The following FOCAD variants were observed in gnomAD, a reference collection of about 807,000 sequenced individuals.
The protein encoded by FOCAD is KIAA1797.
Under a neutral mutation model 225.6 loss-of-function variants are expected in FOCAD, and 198 were observed. The observed-to-expected ratio is 0.88, with a 90% confidence interval of 0.78 to 0.99. The LOEUF is 0.99. Ranked by LOEUF, FOCAD falls within the 50% of genes least tolerant of loss-of-function variation. FOCAD has a pLI of 0.00. For missense variants in FOCAD, 2,713 were observed against 2,123.6 expected (o/e 1.28, Z -5.46); for synonymous variants, 897 against 755.0 (o/e 1.19, Z -3.08).
intron 37 of FOCAD, among the ~76,000 whole-genome samples, chr9:20,979,634 G>A (rs1840514872): frequency 6.6e-6 from 1 of 152,036 alleles, no homozygotes; most frequent in African/African-American, 2.4e-5. Context: ...CCACCACGCT[G>A]GGCCTGTTTT....
intron 5 of FOCAD, among the ~76,000 whole-genome samples, chr9:20,756,381 A>G (rs1829052899): frequency 6.6e-6 from 1 of 152,166 alleles, no homozygotes; most frequent in Admixed American, 6.5e-5. Flanking sequence ...AATGTGATAG[A>G]TCTAATGTAC....
At chr9:20,761,378 T>A (rs1298746494) in intron 6 of FOCAD, among the ~76,000 whole-genome samples, 1 of 152,074 alleles carries the variant, frequency 6.6e-6, no homozygotes, top group African/African-American at 2.4e-5. Flanking sequence ...GAAGGTTTCT[T>A]GGCTAGCTAG....
chr9:20,758,281 T>C (rs1829246631), intron 6 of FOCAD, 90 bp downstream of exon 6: 1 of 835,318 alleles, frequency 1.2e-6, no homozygotes, highest in Non-Finnish European at 1.8e-6. Context: ...GTTTGTTTGT[T>C]TCTTTTTAGC....
intron 19 of FOCAD, among the ~76,000 whole-genome samples, chr9:20,879,629 C>T (rs984428348): frequency 1.3e-5 from 2 of 152,114 alleles, no homozygotes; most frequent in East Asian, 1.9e-4. Context: ...TTGTGTCCTA[C>T]GAATTTTCAG....
intron 10 of FOCAD, among the ~76,000 whole-genome samples, chr9:20,787,402 G>T (rs1324827357): frequency 6.6e-6 from 1 of 152,122 alleles, no homozygotes; most frequent in Non-Finnish European, 1.5e-5. Flanking sequence ...AGTAAAGAGA[G>T]GCTTAGAAAA....
chr9:20,758,971 T>G (rs1161212741), intron 6 of FOCAD, among the ~76,000 whole-genome samples: 2 of 151,952 alleles, frequency 1.3e-5, no homozygotes, highest in African/African-American at 2.4e-5. Flanking sequence ...TATACACCAA[T>G]AACAGACAAA....
At position 20,950,977 on chromosome 9, in the gene FOCAD, G is replaced by GTTACC. The variant is rs991224480; in HGVS notation, c.3949-16_3949-12dup. 1.3e-6 allele frequency: 2 copies of GTTACC among 1,599,756 alleles called. No individual in the cohort carries two copies. The highest frequency in any genetic ancestry group is 3.3e-5 in the Admixed American group (2 of 59,938). ...TTGGATCTTATCCCATCATTGAACT[G>GTTACC]TTACCTTTTTATTTGTAGGTCATTA... On this transcript the variant is annotated intron_variant, in intron 33 of 43. Coordinates refer to ENST00000338382, the MANE Select transcript of FOCAD (RefSeq NM_001375567.1).
intron 29 of FOCAD, among the ~76,000 whole-genome samples, 172 bp from the exon 30 acceptor site, chr9:20,946,529 A>G (rs1253560912): frequency 1.3e-5 from 2 of 152,242 alleles, no homozygotes; most frequent in Admixed American, 6.5e-5. Context: ...TGACAGTGTT[A>G]TGAAATATTA....
intron 21 of FOCAD, among the ~76,000 whole-genome samples, chr9:20,903,288 G>T (rs7852825): frequency 6.6e-6 from 1 of 151,650 alleles, no homozygotes; most frequent in Non-Finnish European, 1.5e-5. Context: ...TGAATTTGGG[G>T]TAGGGTAGAA....
intron 10 of FOCAD, 47 bp downstream of exon 10, chr9:20,781,976 A>G: frequency 6.4e-7 from 1 of 1,555,006 alleles, no homozygotes; most frequent in South Asian, 1.1e-5. Flanking sequence ...TCGATGTGGG[A>G]TTTCGGTCTT....
At chr9:20,687,323 T>G (rs1340342783) in intron 1 of FOCAD, among the ~76,000 whole-genome samples, 1 of 152,248 alleles carries the variant, frequency 6.6e-6, no homozygotes, top group Non-Finnish European at 1.5e-5. Flanking sequence ...AGGTATCTTC[T>G]AATCTCCTTT....
At chr9:20,752,848 G>T (rs572671053) in intron 5 of FOCAD, among the ~76,000 whole-genome samples, 47 of 151,926 alleles carry the variant, frequency 3.1e-4, no homozygotes, top group African/African-American at 1.1e-3. Flanking sequence ...GCAGTGGTTT[G>T]TAGTTCTCCT....
intron 15 of FOCAD, among the ~76,000 whole-genome samples, chr9:20,834,216 G>T (rs925318042): frequency 1.3e-5 from 2 of 151,866 alleles, no homozygotes; most frequent in East Asian, 1.9e-4. Flanking sequence ...ACCAAACACC[G>T]CATGTTGTCA....
rs553201140 is a variant in FOCAD, at chr9:20,959,984, T to C, written c.4132+6919T>C. On this transcript the variant is annotated intron_variant, in intron 35 of 43. Coordinates refer to ENST00000338382, the MANE Select transcript of FOCAD (RefSeq NM_001375567.1). ...AAGTAGCAAAAATTGTCTTCCTTTTTTAATAGTAAGAAAAACTCCACATTC... is the reference window on the plus strand; with the variant it reads ...AAGTAGCAAAAATTGTCTTCCTTTTCTAATAGTAAGAAAAACTCCACATTC... Among the ~76,000 whole-genome samples the C allele has an allele frequency of 5.3e-5, 8 of 152,332 alleles. No individual in the cohort carries two copies. The South Asian group carries it at 1.4e-3, about 28-fold the overall frequency.
rs1001370465 is a variant in FOCAD at position 20,715,272 on chromosome 9, A to G, written c.-32-50A>G. The G allele has an allele frequency of 3.2e-5, 26 of 813,398 alleles. No individual in the cohort carries two copies. In the East Asian group the frequency reaches 7.6e-4, roughly 24 times the overall value. The allele number at this position is 813,398 out of a possible 1,614,324, so 50.4% of individuals were successfully genotyped here. A position where few individuals can be genotyped will look rare whatever the true frequency, so the allele number is the denominator to read the frequency against. On this transcript the variant is annotated intron_variant, in intron 1 of 43. Transcript: ENST00000338382. Reference sequence around the variant, plus strand: ...TTGAGGAATAATTAATTGGAGCCCCAATTCAGACCAGTTGGAAGACTAACA... The same window carrying G: ...TTGAGGAATAATTAATTGGAGCCCCGATTCAGACCAGTTGGAAGACTAACA...
At chr9:20,816,482 A>T (rs536032825) in intron 11 of FOCAD, among the ~76,000 whole-genome samples, 6 of 152,310 alleles carry the variant, frequency 3.9e-5, no homozygotes, top group Admixed American at 2.0e-4. Context: ...TGTTAAAAAC[A>T]TCATACATTT....
chr9:20,942,078 T>C (rs1052081346), intron 28 of FOCAD, among the ~76,000 whole-genome samples: 4 of 152,194 alleles, frequency 2.6e-5, no homozygotes, highest in Non-Finnish European at 4.4e-5. Flanking sequence ...AGGGGACCTA[T>C]TCAGAGGGGC....
intron 10 of FOCAD, among the ~76,000 whole-genome samples, chr9:20,784,098 G>A (rs1819669644): frequency 1.3e-5 from 2 of 152,160 alleles, no homozygotes; most frequent in South Asian, 4.1e-4. Flanking sequence ...AGAATGTGGA[G>A]AAGGCCTACT....
chr9:20,799,808 C>T (rs1821584315), intron 11 of FOCAD, among the ~76,000 whole-genome samples: 1 of 152,084 alleles, frequency 6.6e-6, no homozygotes, highest in Non-Finnish European at 1.5e-5. Flanking sequence ...TCCAATTTGC[C>T]ACTCTGTGTC....
Sources: gnomAD v4.1 joint callset for allele counts (sites outside exome capture counted in the v4.1 genomes callset) on GRCh38, gnomAD v4.1.1 for gene constraint, MANE v1.5 for transcripts, NCBI Gene and HGNC (gene_info 2026-07-23, HGNC 2026-07-21) for gene names.